Variants in ROBO1 observed in about 807,000 individuals in gnomAD.
ROBO1 encodes the protein roundabout guidance receptor 1, also known as roundabout homolog 1.
ROBO1 carries 149 observed loss-of-function variants against 195.9 expected under a neutral mutation model. The ratio of observed to expected loss-of-function variants is 0.76; its 90% CI spans 0.67 to 0.87. The LOEUF (loss-of-function observed/expected upper bound fraction) is 0.87. Ranked by LOEUF, ROBO1 falls within the 40% of genes least tolerant of loss-of-function variation. The pLI, the probability that ROBO1 is intolerant of heterozygous loss-of-function variation, is 0.00. For synonymous variants in ROBO1, 816 were observed against 733.2 expected (o/e 1.11, Z -1.82); for missense variants, 1,933 against 2,068.3 (o/e 0.93, Z 1.27).
intron 4 of ROBO1, among the ~76,000 whole-genome samples, chr3:78,860,181 A>AGATAGATG (rs1192748268): frequency 1.3e-5 from 2 of 148,532 alleles, no homozygotes; most frequent in African/African-American, 4.9e-5. Flanking sequence ...ATAGATAGAT[A>AGATAGATG]GATGATAGAT....
intron 2 of ROBO1, among the ~76,000 whole-genome samples, chr3:79,435,496 T>A (rs2038851692): frequency 6.6e-6 from 1 of 152,164 alleles, no homozygotes; most frequent in Admixed American, 6.6e-5. Flanking sequence ...AGTCATATTA[T>A]TTTTTAGGTT....
intron 2 of ROBO1, among the ~76,000 whole-genome samples, chr3:79,277,108 C>T (rs1262901457): frequency 6.6e-6 from 1 of 151,970 alleles, no homozygotes; most frequent in Non-Finnish European, 1.5e-5. Flanking sequence ...GCAGCAATCT[C>T]ACTGGTAGGT....
intron 26 of ROBO1, 56 bp downstream of exon 26, chr3:78,627,265 C>T: frequency 6.4e-7 from 1 of 1,561,464 alleles, no homozygotes; most frequent in Non-Finnish European, 8.7e-7. Context: ...TGGTAACTTC[C>T]ACTGAGGAGT....
Position 78,938,654 on chromosome 3 carries a change from G to C in ROBO1, c.446C>G (p.Ala149Gly). The change falls in exon 4 of 31, where the codon GCA becomes GGA. Residue 149 changes from alanine to glycine, a missense_variant. Ala to Gly is a moderately conservative substitution (Grantham distance 60). Transcript: ENST00000464233. ...CACAGCCTCTCCAAGGTAATTCCTT[G>C]CTACACAGACATAGACTCCTTCATC... Reference protein sequence around the residue: ...RPDEGVYVCVARNYLGEAVSH... With the variant: ...RPDEGVYVCVGRNYLGEAVSH... 6.2e-7 allele frequency: 1 copy of C among 1,613,854 alleles called. No individual in the cohort carries two copies. Among genetic ancestry groups the C allele is most frequent in the East Asian group, 2.2e-5 (1 of 44,870 alleles).
chr3:79,107,125 TCTCACA>T (rs1017076024), intron 3 of ROBO1, among the ~76,000 whole-genome samples: 2 of 136,454 alleles, frequency 1.5e-5, no homozygotes, highest in African/African-American at 2.8e-5. Context: ...TCTCTCTCTC[TCTCACA>T]CACACACACA....
intron 2 of ROBO1, among the ~76,000 whole-genome samples, chr3:79,531,585 C>G (rs1003851094): frequency 2.0e-5 from 3 of 152,102 alleles, no homozygotes; most frequent in Non-Finnish European, 2.9e-5. Flanking sequence ...AAACTTTTTT[C>G]TGTCTTAATA....
At chr3:79,254,558 G>A (rs970389229) in intron 2 of ROBO1, among the ~76,000 whole-genome samples, 25 of 152,152 alleles carry the variant, frequency 1.6e-4, no homozygotes, top group Admixed American at 1.6e-3. Context: ...AGAAACAAGA[G>A]AAGAACTAAT....
At chr3:78,612,157 A>G (rs1703856852) in intron 28 of ROBO1, among the ~76,000 whole-genome samples, 2 of 152,206 alleles carry the variant, frequency 1.3e-5, no homozygotes, top group African/African-American at 4.8e-5. Context: ...CAAAATTTAC[A>G]AAGTAAAGAT....
chr3:79,087,188 A>G (rs2108478713), intron 3 of ROBO1, among the ~76,000 whole-genome samples: 1 of 152,248 alleles, frequency 6.6e-6, no homozygotes, highest in African/African-American at 2.4e-5. Flanking sequence ...ACTTAGATAC[A>G]CAACTCTAGA....
At chr3:79,136,090 T>TTTG (rs1324929548) in intron 2 of ROBO1, among the ~76,000 whole-genome samples, 48 of 152,318 alleles carry the variant, frequency 3.2e-4, no homozygotes, top group African/African-American at 1.0e-3. Flanking sequence ...TAATATTGGT[T>TTTG]TTGTAGTACA....
chr3:79,137,520 C>T (rs368555991), intron 2 of ROBO1, among the ~76,000 whole-genome samples: 1 of 151,954 alleles, frequency 6.6e-6, no homozygotes, highest in East Asian at 1.9e-4. Context: ...TGATTATAAT[C>T]ACAAGTAATG....
At chr3:79,247,442 A>G (rs1374087800) in intron 2 of ROBO1, among the ~76,000 whole-genome samples, 1 of 151,648 alleles carries the variant, frequency 6.6e-6, no homozygotes, top group Non-Finnish European at 1.5e-5. Context: ...GGAACAAAGA[A>G]ACTTAGGACT....
At chr3:79,454,487 T>A (rs541961722) in intron 2 of ROBO1, among the ~76,000 whole-genome samples, 1 of 152,156 alleles carries the variant, frequency 6.6e-6, no homozygotes, top group Admixed American at 6.6e-5. Context: ...ACAGAAGCAA[T>A]TTATTTAACC....
At chr3:79,263,281 C>A (rs1419252078) in intron 2 of ROBO1, among the ~76,000 whole-genome samples, 1 of 151,950 alleles carries the variant, frequency 6.6e-6, no homozygotes, top group Non-Finnish European at 1.5e-5. Context: ...CTTTCTGTTA[C>A]AACAAACACA....
chr3:79,746,575 T>A (rs904487528), intron 1 of ROBO1, among the ~76,000 whole-genome samples: 3 of 152,064 alleles, frequency 2.0e-5, no homozygotes, highest in Non-Finnish European at 4.4e-5. Flanking sequence ...TACCTCACTT[T>A]TCCTGTCCTG....
chr3:78,928,498 A>C (rs1452196221), intron 4 of ROBO1, among the ~76,000 whole-genome samples: 2 of 152,200 alleles, frequency 1.3e-5, no homozygotes, highest in Non-Finnish European at 1.5e-5. Context: ...ATTGTCTACC[A>C]ATGTTAGAGT....
intron 1 of ROBO1, among the ~76,000 whole-genome samples, chr3:79,724,009 T>C (rs1214091464): frequency 6.6e-6 from 1 of 152,188 alleles, no homozygotes; most frequent in Non-Finnish European, 1.5e-5. Flanking sequence ...TTCTAGTGAA[T>C]TGTACTAATA....
intron 2 of ROBO1, among the ~76,000 whole-genome samples, chr3:79,205,070 G>A (rs2081841872): frequency 6.6e-6 from 1 of 152,082 alleles, no homozygotes; most frequent in Non-Finnish European, 1.5e-5. Flanking sequence ...ATGGCTCACA[G>A]CAACCTCTAC....
chr3:78,831,458 T>A (rs1259537441), intron 4 of ROBO1, among the ~76,000 whole-genome samples: 2 of 152,184 alleles, frequency 1.3e-5, no homozygotes, highest in African/African-American at 4.8e-5. Context: ...AGATATTAAA[T>A]GAATTCATCT....
Sources: gnomAD v4.1 joint callset for allele counts (sites outside exome capture counted in the v4.1 genomes callset) on GRCh38, gnomAD v4.1.1 for gene constraint, MANE v1.5 for transcripts, NCBI Gene and HGNC (gene_info 2026-07-23, HGNC 2026-07-21) for gene names.